The following ARHGEF28 variants were observed in gnomAD, a reference collection of about 807,000 sequenced individuals.
The protein encoded by ARHGEF28 is 190 kDa guanine nucleotide exchange factor.
A neutral mutation model predicts 206.6 loss-of-function variants in ARHGEF28; 152 were observed. The ratio of observed to expected loss-of-function variants is 0.74; its 90% CI spans 0.64 to 0.84. The LOEUF is 0.84. Among genes scored for constraint, ARHGEF28 ranks in the 40% least tolerant of loss-of-function variants. ARHGEF28 has a pLI of 0.00. For synonymous variants in ARHGEF28, 763 were observed against 776.4 expected, an observed-to-expected ratio of 0.98 and a Z score of 0.29; for missense variants, 2,028 against 2,073.2, an observed-to-expected ratio of 0.98 and a Z score of 0.42.
chr5:73,645,050 C>T (rs1210761743), intron 1 of ARHGEF28, among the ~76,000 whole-genome samples: 3 of 152,086 alleles, frequency 2.0e-5, no homozygotes, highest in African/African-American at 7.2e-5. Flanking sequence ...TTCATTCAAT[C>T]CTCAACAATT....
At chr5:73,775,812 C>A (rs867378119) in intron 5 of ARHGEF28, among the ~76,000 whole-genome samples, 1 of 151,852 alleles carries the variant, frequency 6.6e-6, no homozygotes, top group African/African-American at 2.4e-5. Context: ...AACCATGAAG[C>A]CTGAATGTAA....
chr5:73,635,214 AT>A (rs1743621232), intron 1 of ARHGEF28, among the ~76,000 whole-genome samples: 1 of 152,266 alleles, frequency 6.6e-6, no homozygotes, highest in Admixed American at 6.5e-5. Flanking sequence ...ATGGTGGCAC[AT>A]GCCTATAGTC....
intron 1 of ARHGEF28, among the ~76,000 whole-genome samples, chr5:73,675,564 C>G (rs1409830377): frequency 6.6e-6 from 1 of 151,818 alleles, no homozygotes; most frequent in Non-Finnish European, 1.5e-5. Flanking sequence ...AACTCTGTCT[C>G]TACTAAAAAT....
At chr5:73,934,323 G>A (rs1464735764) in intron 35 of ARHGEF28, among the ~76,000 whole-genome samples, 2 of 152,170 alleles carry the variant, frequency 1.3e-5, no homozygotes, top group Non-Finnish European at 2.9e-5. Context: ...CATAGATGGT[G>A]TTGTAAATTG....
At chr5:73,839,483 T>C (rs1757854084) in intron 10 of ARHGEF28, among the ~76,000 whole-genome samples, 1 of 152,214 alleles carries the variant, frequency 6.6e-6, no homozygotes, top group South Asian at 2.1e-4. Flanking sequence ...ACTCCAGACT[T>C]GATGCCTTTT....
At chr5:73,780,797 C>G (rs1453282702) in intron 7 of ARHGEF28, 52 bp downstream of exon 7, 1 of 1,529,880 alleles carries the variant, frequency 6.5e-7, no homozygotes, top group Non-Finnish European at 8.9e-7. Flanking sequence ...TCTGGACCAA[C>G]AATCTAACCA....
At chr5:73,811,120 G>T (rs1157735264) in intron 9 of ARHGEF28, among the ~76,000 whole-genome samples, 1 of 152,166 alleles carries the variant, frequency 6.6e-6, no homozygotes, top group African/African-American at 2.4e-5. Flanking sequence ...AAGTAGAGCT[G>T]AAGAAAAATA....
Position 73,873,223 on chromosome 5 carries a change from A to G in ARHGEF28, c.2791A>G (p.Ile931Val). The change falls in exon 22 of 36, where the codon ATT becomes GTT. Residue 931 changes from isoleucine (I) to valine (V), a missense_variant. Ile to Val is a conservative substitution (Grantham distance 29). Around this residue, in one of 3 missense-constraint regions of ARHGEF28, gnomAD observed 223 missense variants for 289.9 expected, o/e 0.77. Coordinates refer to ENST00000513042, the MANE Select transcript of ARHGEF28 (RefSeq NM_001177693.2). ...CGACAGGAATTTTGTGATCGACCGAATTGGAGATATTTTGGTACAACAGGT... is the reference window on the plus strand; with the variant it reads ...CGACAGGAATTTTGTGATCGACCGAGTTGGAGATATTTTGGTACAACAGGT... ...GSDRNFVIDR[I>V]GDILVQQFSE... is the part of the protein sequence containing the mutation. 2 of 1,610,992 alleles carry G rather than the reference A, an allele frequency of 1.2e-6. No individual in the cohort carries two copies. The highest frequency in any genetic ancestry group is 8.5e-7 in the Non-Finnish European group (1 of 1,178,436).
At chr5:73,759,465 A>C (rs1313318087) in intron 4 of ARHGEF28, among the ~76,000 whole-genome samples, 1 of 152,234 alleles carries the variant, frequency 6.6e-6, no homozygotes, top group East Asian at 1.9e-4. Flanking sequence ...TTCATAAATT[A>C]GTTCCTTTTG....
At chr5:73,650,286 T>G (rs908788790) in intron 1 of ARHGEF28, among the ~76,000 whole-genome samples, 2 of 144,686 alleles carry the variant, frequency 1.4e-5, no homozygotes, top group Admixed American at 1.4e-4. Context: ...TCTTTTTTTT[T>G]TTTTTTTTTT....
At chr5:73,751,867 C>T (rs1004543378) in intron 3 of ARHGEF28, among the ~76,000 whole-genome samples, 1 of 134,700 alleles carries the variant, frequency 7.4e-6, no homozygotes, top group African/African-American at 2.8e-5. Flanking sequence ...TATGTGTAGT[C>T]TGGTGGGAGG....
intron 16 of ARHGEF28, 82 bp from the exon 17 acceptor site, chr5:73,864,735 C>T (rs1759601185): frequency 5.2e-6 from 6 of 1,158,802 alleles, no homozygotes; most frequent in African/African-American, 3.1e-5. Flanking sequence ...TTATAATGAC[C>T]AGTGAAAGCA....
Position 73,858,091 on chromosome 5 carries a change from AAAGC to A in ARHGEF28, c.1923_1926del (p.Ser641ArgfsTer9). 1 of 1,601,728 alleles carries A rather than the reference AAAGC, an allele frequency of 6.2e-7. No homozygotes were observed. The highest frequency in any genetic ancestry group is 8.5e-7 in the Non-Finnish European group (1 of 1,176,494). On this transcript the variant is annotated frameshift_variant, in exon 16 of 36. Transcript: ENST00000513042. LOFTEE classifies it high-confidence loss of function. Reference sequence around the variant, plus strand: ...CTGCTGCTGCTGCATCTGAAGACAAAAAGCAAGGATGCCAAAGATAAAGAGAAGC... The same window carrying A: ...CTGCTGCTGCTGCATCTGAAGACAAAAAGGATGCCAAAGATAAAGAGAAGC...
chr5:73,874,077 A>G (rs1465172783), intron 22 of ARHGEF28, among the ~76,000 whole-genome samples: 1 of 152,188 alleles, frequency 6.6e-6, no homozygotes, highest in African/African-American at 2.4e-5. Context: ...TAAGAGGTAT[A>G]AAGTAATATC....
intron 10 of ARHGEF28, among the ~76,000 whole-genome samples, chr5:73,835,482 A>C (rs892110769): frequency 8.6e-5 from 13 of 151,636 alleles, no homozygotes; most frequent in Non-Finnish European, 1.8e-4. Context: ...AAAAAAAAAA[A>C]AACCCAAAAG....
At chr5:73,801,434 G>A (rs747828410) in intron 9 of ARHGEF28, among the ~76,000 whole-genome samples, 4 of 151,760 alleles carry the variant, frequency 2.6e-5, no homozygotes, top group African/African-American at 7.3e-5. Context: ...GCAACAGAGC[G>A]AGACTCCATC....
intron 7 of ARHGEF28, among the ~76,000 whole-genome samples, chr5:73,782,392 T>C (rs1310283776): frequency 6.6e-6 from 1 of 152,078 alleles, no homozygotes; most frequent in East Asian, 1.9e-4. Context: ...GAGCTGAGAT[T>C]GCGCCACTGC....
intron 1 of ARHGEF28, among the ~76,000 whole-genome samples, chr5:73,636,632 CA>C (rs926309767): frequency 1.3e-5 from 2 of 152,056 alleles, no homozygotes; most frequent in African/African-American, 4.8e-5. Flanking sequence ...AGAGTGTGTG[CA>C]AGATGAAGGT....
At chr5:73,732,711 C>T (rs889847341) in intron 2 of ARHGEF28, among the ~76,000 whole-genome samples, 4 of 152,196 alleles carry the variant, frequency 2.6e-5, no homozygotes, top group South Asian at 2.1e-4. Context: ...TTTATTGCTG[C>T]ATCCCTTGTT....
Sources: gnomAD v4.1 joint callset for allele counts (sites outside exome capture counted in the v4.1 genomes callset) on GRCh38, gnomAD v4.1.1 for gene constraint, gnomAD v4.1.1 regional missense constraint, MANE v1.5 for transcripts, NCBI Gene and HGNC (gene_info 2026-07-23, HGNC 2026-07-21) for gene names.